Variants in CNBD1 observed in about 807,000 individuals in gnomAD.
CNBD1 encodes the protein cyclic nucleotide-binding domain-containing protein 1.
CNBD1 carries 71 observed loss-of-function variants against 54.4 expected under a neutral mutation model. The observed-to-expected ratio is 1.30, with a 90% CI of 1.08 to 1.59. The LOEUF is 1.59. Among genes scored for constraint, CNBD1 ranks in the 40% most tolerant of loss-of-function variants. The probability of loss-of-function intolerance (pLI) is 0.00; values close to 1 mark genes in which losing one functional copy is unlikely to be tolerated. For missense variants in CNBD1, 659 were observed against 518.0 expected, an observed-to-expected ratio of 1.27 and a Z score of -2.64; for synonymous variants, 182 against 170.7, an observed-to-expected ratio of 1.07 and a Z score of -0.51.
chr8:87,324,653 A>C (rs200879466), intron 8 of CNBD1, among the ~76,000 whole-genome samples: 120 of 151,298 alleles, frequency 7.9e-4, no homozygotes, highest in African/African-American at 2.4e-3. Context: ...GGTGATATCC[A>C]CTTTATCATT....
At chr8:87,328,426 A>G (rs1328363141) in intron 8 of CNBD1, among the ~76,000 whole-genome samples, 3 of 151,160 alleles carry the variant, frequency 2.0e-5, no homozygotes, top group Non-Finnish European at 4.4e-5. Context: ...AATTTTTTTC[A>G]TAATTTATTG....
intron 4 of CNBD1, among the ~76,000 whole-genome samples, chr8:87,092,452 C>CACATATGTGTGTGTGTGTATATATATAT (rs1811229093): frequency 8.1e-6 from 1 of 123,520 alleles, no homozygotes; most frequent in African/African-American, 3.5e-5. Flanking sequence ...TATATATATA[C>CACATATGTGTGTGTGTGTATATATATAT]ACATATGTGT....
chr8:87,037,396 T>G (rs1809971923), intron 4 of CNBD1, among the ~76,000 whole-genome samples: 1 of 152,128 alleles, frequency 6.6e-6, no homozygotes, highest in African/African-American at 2.4e-5. Flanking sequence ...TATAAAAAAA[T>G]TATTATTTCA....
chr8:87,344,615 G>T (rs139670532), intron 8 of CNBD1, among the ~76,000 whole-genome samples: 2 of 151,924 alleles, frequency 1.3e-5, no homozygotes, highest in Non-Finnish European at 2.9e-5. Flanking sequence ...ACCTGCCCCT[G>T]TGTAGACTAC....
chr8:87,094,988 G>A (rs544060243), intron 4 of CNBD1, among the ~76,000 whole-genome samples: 20 of 152,326 alleles, frequency 1.3e-4, no homozygotes, highest in African/African-American at 2.6e-4. Context: ...GCAATGAGCC[G>A]AGATCACGCC....
At chr8:86,881,744 T>C (rs1168769714) in intron 1 of CNBD1, among the ~76,000 whole-genome samples, 1 of 152,186 alleles carries the variant, frequency 6.6e-6, no homozygotes, top group African/African-American at 2.4e-5. Flanking sequence ...GCTGGAGCCA[T>C]CACTCTACAT....
intron 4 of CNBD1, among the ~76,000 whole-genome samples, chr8:87,029,402 T>G (rs1809729710): frequency 6.6e-6 from 1 of 152,180 alleles, no homozygotes; most frequent in Non-Finnish European, 1.5e-5. Flanking sequence ...ATACTGAATA[T>G]AGAGTCAACC....
At chr8:87,190,853 GTACCTA>G (rs2130785325) in intron 4 of CNBD1, among the ~76,000 whole-genome samples, 1 of 146,744 alleles carries the variant, frequency 6.8e-6, no homozygotes, top group Admixed American at 6.8e-5. Flanking sequence ...ATAGATACAT[GTACCTA>G]TATCTAAATA....
intron 8 of CNBD1, among the ~76,000 whole-genome samples, chr8:87,343,897 A>G (rs1810117212): frequency 1.3e-5 from 2 of 152,104 alleles, no homozygotes; most frequent in African/African-American, 4.8e-5. Context: ...ATTTTGTACA[A>G]TTAATGGTAT....
chr8:87,387,702 C>A (rs1468440292), downstream of CNBD1, among the ~76,000 whole-genome samples: 7 of 152,118 alleles, frequency 4.6e-5, no homozygotes, highest in Admixed American at 6.6e-5. Flanking sequence ...ATCAATGAGA[C>A]AGAAAGTTAA....
At chr8:87,243,141 C>T (rs1807737905) in intron 6 of CNBD1, among the ~76,000 whole-genome samples, 1 of 152,300 alleles carries the variant, frequency 6.6e-6, no homozygotes, top group African/African-American at 2.4e-5. Context: ...ATAATGAAGC[C>T]ATGAGTATTT....
intron 8 of CNBD1, among the ~76,000 whole-genome samples, chr8:87,327,096 GCCT>G (rs1363169524): frequency 6.8e-6 from 1 of 147,718 alleles, no homozygotes; most frequent in Non-Finnish European, 1.5e-5. Context: ...GCTGGGGGGT[GCCT>G]CCCAGTTAGG....
At chr8:87,200,813 A>AT (rs1813843719) in intron 4 of CNBD1, among the ~76,000 whole-genome samples, 2 of 152,154 alleles carry the variant, frequency 1.3e-5, no homozygotes, top group South Asian at 4.1e-4. Context: ...TTCACTGGTA[A>AT]TTTCTGCCAA....
At chr8:87,117,611 A>G (rs940096040) in intron 4 of CNBD1, among the ~76,000 whole-genome samples, 2 of 152,130 alleles carry the variant, frequency 1.3e-5, no homozygotes, top group Non-Finnish European at 2.9e-5. Context: ...CTTTCATTAT[A>G]TGCTTCACAA....
At position 87,089,828 on chromosome 8, in the gene CNBD1, T is replaced by A. The variant is rs62527277; in HGVS notation, c.432-116165T>A. The stretch of plus-strand genomic sequence containing the variant: ...ATTATTAGTGTTGAAATGCTACTTG[T>A]TCATACAAAATGTCTTTCATTAGTA... On this transcript the variant is annotated intron_variant, in intron 4 of 10. Transcript: ENST00000518476. 7.1e-3 allele frequency among the ~76,000 whole-genome samples: 1,075 copies of A among 152,232 alleles called. 3 individuals carry two copies. The highest frequency in any genetic ancestry group is 0.011 in the Non-Finnish European group (772 of 67,938).
At position 86,966,805 on chromosome 8, in the gene CNBD1, A is replaced by G. The variant is rs116596877; in HGVS notation, c.431+27051A>G. Reference sequence around the variant, plus strand: ...TGAGCAGCAGCAAGAGTTTTTGAGAAGAGCAAAAGAACAAAGCTTCCACAG... The same window carrying G: ...TGAGCAGCAGCAAGAGTTTTTGAGAGGAGCAAAAGAACAAAGCTTCCACAG... On this transcript the variant is annotated intron_variant, in intron 4 of 10. Coordinates refer to ENST00000518476, the MANE Select transcript of CNBD1 (RefSeq NM_173538.3). Among the ~76,000 whole-genome samples, 783 of 152,286 alleles carry G rather than the reference A, an allele frequency of 5.1e-3. 5 individuals are homozygous for G. Among genetic ancestry groups the G allele is most frequent in the African/African-American group, 0.017 (718 of 41,562 alleles).
At chr8:87,117,356 G>A (rs1459014022) in intron 4 of CNBD1, among the ~76,000 whole-genome samples, 1 of 143,524 alleles carries the variant, frequency 7.0e-6, no homozygotes, top group Non-Finnish European at 1.5e-5. Flanking sequence ...CCGAGACCGT[G>A]CCACTGCACT....
At chr8:87,393,764 A>G (rs1811356848) in intron 2 of CNBD1, among the ~76,000 whole-genome samples, 1 of 151,906 alleles carries the variant, frequency 6.6e-6, no homozygotes, top group African/African-American at 2.4e-5. Flanking sequence ...AGGCACAGTC[A>G]GAGAATGTTT....
At chr8:87,222,889 T>C (rs1286427221) in intron 5 of CNBD1, among the ~76,000 whole-genome samples, 2 of 152,158 alleles carry the variant, frequency 1.3e-5, no homozygotes, top group Non-Finnish European at 2.9e-5. Flanking sequence ...CAAGTCCTCA[T>C]GAGAATGGTT....
Sources: allele counts gnomAD v4.1 joint callset (sites outside exome capture counted in the v4.1 genomes callset), GRCh38; gene constraint gnomAD v4.1.1; transcripts MANE v1.5; gene names NCBI Gene and HGNC (gene_info 2026-07-23, HGNC 2026-07-21).